Variants in ITPR2 observed in about 807,000 individuals in gnomAD.
ITPR2 encodes the protein inositol 1,4,5-trisphosphate-gated calcium channel ITPR2.
In ITPR2, 207 loss-of-function variants were observed where a neutral mutation model predicts 317.1. The ratio of observed to expected loss-of-function variants is 0.65; its 90% confidence interval spans 0.58 to 0.73. The LOEUF is 0.73. Among genes scored for constraint, ITPR2 ranks in the 30% least tolerant of loss-of-function variants. The pLI, the probability that ITPR2 is intolerant of heterozygous loss-of-function variation, is 0.00. For missense variants in ITPR2, 2,613 were observed against 3,284.0 expected (o/e 0.80, Z 4.99); for synonymous variants, 1,156 against 1,149.1 (o/e 1.01, Z -0.12).
intron 52 of ITPR2, among the ~76,000 whole-genome samples, chr12:26,401,363 G>A (rs1180088560): frequency 6.6e-6 from 1 of 152,116 alleles, no homozygotes; most frequent in East Asian, 1.9e-4. Context: ...CTTTCTCGAG[G>A]ACCAACCTGG....
chr12:26,589,853 T>TACACACAC lies in ITPR2; in HGVS notation c.4380+5604_4380+5611dup, dbSNP rs56044866. ...ATAAACATATATATATATATATATATACACACACACACACACACACACACA... is the reference window on the plus strand; with the variant it reads ...ATAAACATATATATATATATATATATACACACACACACACACACACACACACACACACA... On this transcript the variant is annotated intron_variant, in intron 32 of 56. Coordinates refer to ENST00000381340, the MANE Select transcript of ITPR2 (RefSeq NM_002223.4). 6.1e-3 allele frequency among the ~76,000 whole-genome samples: 352 copies of TACACACAC among 57,296 alleles called. 13 individuals are homozygous for TACACACAC. Among genetic ancestry groups the TACACACAC allele is most frequent in the African/African-American group, 0.018 (323 of 17,664 alleles). 37.6% of individuals were successfully genotyped at this position (57,296 alleles called of 152,430 possible).
intron 55 of ITPR2, among the ~76,000 whole-genome samples, chr12:26,351,943 G>A (rs2136560765): frequency 6.6e-6 from 1 of 152,288 alleles, no homozygotes; most frequent in East Asian, 1.9e-4. Context: ...CGCTGAGATA[G>A]ACAAAAACTA....
At position 26,356,588 on chromosome 12, in the gene ITPR2, T is replaced by G. The variant is rs138199766; in HGVS notation, c.7858-16260A>C. Among the ~76,000 whole-genome samples the G allele has an allele frequency of 1.5e-4, 23 of 152,226 alleles. No individual in the cohort carries two copies. In the East Asian group the frequency reaches 4.2e-3, roughly 28 times the overall value. On this transcript the variant is annotated intron_variant, in intron 55 of 56. Transcript: ENST00000381340. ...ATAGATCAGTTTTACACAAATGGAG[T>G]GTGGAAACAACTGTTGATCATGCAG...
At chr12:26,828,648 C>G (rs1267078686) in intron 1 of ITPR2, among the ~76,000 whole-genome samples, 1 of 152,136 alleles carries the variant, frequency 6.6e-6, no homozygotes, top group African/African-American at 2.4e-5. Context: ...TTCTCAATAG[C>G]TGAAACTTTT....
intron 36 of ITPR2, among the ~76,000 whole-genome samples, chr12:26,553,904 G>A (rs1019310383): frequency 2.0e-5 from 3 of 152,160 alleles, no homozygotes; most frequent in Non-Finnish European, 2.9e-5. Context: ...TGAGCAGTAA[G>A]GCAGAAAACA....
rs1402594965 is a variant in ITPR2, at chr12:26,483,846, G to T, written c.5864C>A (p.Thr1955Asn). 3 of 1,614,156 alleles carry T rather than the reference G, an allele frequency of 1.9e-6. No individual in the cohort carries two copies. Among genetic ancestry groups the T allele is most frequent in the Non-Finnish European group, 2.5e-6 (3 of 1,180,006 alleles). The change falls in exon 42 of 57, where the codon ACC becomes AAC. Residue 1955 changes from threonine (T) to asparagine (N), a missense_variant. This residue lies in a region of ITPR2 where 926 missense variants were observed against 1,072.8 expected (regional missense o/e 0.86). Coordinates refer to ENST00000381340, the MANE Select transcript of ITPR2 (RefSeq NM_002223.4). The part of the protein sequence containing the change: ...NKTNYNLVCE[T>N]LQFLDCICGS... ...ACAAATGCAGTCCAGAAACTGAAGG[G>T]TCTCACAGACTAGGTTGTAATTTGT...
chr12:26,770,987 T>G (rs1949829515), intron 2 of ITPR2, among the ~76,000 whole-genome samples: 1 of 152,178 alleles, frequency 6.6e-6, no homozygotes, highest in African/African-American at 2.4e-5. Context: ...AAAAGTCCAT[T>G]TTCTGACTGT....
intron 13 of ITPR2, among the ~76,000 whole-genome samples, chr12:26,667,810 T>G (rs1375073504): frequency 6.6e-6 from 1 of 152,196 alleles, no homozygotes; most frequent in Admixed American, 6.5e-5. Context: ...AAAGTAAAAT[T>G]TTGTGAGCAA....
At chr12:26,397,201 T>C (rs1039883919) in intron 54 of ITPR2, among the ~76,000 whole-genome samples, 2 of 152,156 alleles carry the variant, frequency 1.3e-5, no homozygotes, top group African/African-American at 2.4e-5. Flanking sequence ...TAAAAGGCCA[T>C]GCGTGGTCTG....
intron 45 of ITPR2, among the ~76,000 whole-genome samples, chr12:26,456,264 T>C (rs931777765): frequency 1.3e-5 from 2 of 152,222 alleles, no homozygotes; most frequent in Non-Finnish European, 2.9e-5. Context: ...GCAATGAAAG[T>C]GACCTCTGGT....
chr12:26,705,856 T>C (rs1171580585), intron 9 of ITPR2, among the ~76,000 whole-genome samples: 1 of 152,200 alleles, frequency 6.6e-6, no homozygotes, highest in African/African-American at 2.4e-5. Flanking sequence ...TCAAAATTAC[T>C]AAAGCAAAAA....
intron 37 of ITPR2, among the ~76,000 whole-genome samples, chr12:26,543,217 C>T (rs1944308104): frequency 1.3e-5 from 2 of 152,142 alleles, no homozygotes; most frequent in African/African-American, 2.4e-5. Flanking sequence ...ATCCAATCCA[C>T]GTAAGCTCTT....
chr12:26,452,948 G>T (rs777350556), intron 45 of ITPR2, among the ~76,000 whole-genome samples: 35 of 152,004 alleles, frequency 2.3e-4, no homozygotes, highest in Non-Finnish European at 4.7e-4. Context: ...TTTAATCCCA[G>T]GAGGTTTGTA....
chr12:26,707,851 G>T (rs1451441284), intron 9 of ITPR2, among the ~76,000 whole-genome samples: 6 of 151,338 alleles, frequency 4.0e-5, no homozygotes, highest in African/African-American at 7.3e-5. Context: ...TTTTTGACAA[G>T]AGATTAATAA....
chr12:26,635,182 C>A (rs987353742), intron 21 of ITPR2, among the ~76,000 whole-genome samples: 4 of 152,150 alleles, frequency 2.6e-5, no homozygotes, highest in Non-Finnish European at 5.9e-5. Context: ...CTGTGCTGAC[C>A]ATAATTTAAT....
chr12:26,605,126 A>ATACAT (rs373595249), intron 26 of ITPR2, among the ~76,000 whole-genome samples: 1 of 136,310 alleles, frequency 7.3e-6, no homozygotes, highest in African/African-American at 2.6e-5. Flanking sequence ...AAAAAATAAA[A>ATACAT]ATATATATAT....
Position 26,507,863 on chromosome 12 carries a change from C to CTGTGTGTGTGTG in ITPR2, c.5074-12615_5074-12604dup, listed in dbSNP as rs1555144092. On this transcript the variant is annotated intron_variant, in intron 37 of 56. Coordinates refer to ENST00000381340, the MANE Select transcript of ITPR2 (RefSeq NM_002223.4). ...TCTCTCTACTCTTCTCTCTCTGTCT[C>CTGTGTGTGTGTG]TGTGTGTGTGTGTGTGTGTGTGTGT... Among the ~76,000 whole-genome samples, 118 of 132,280 alleles carry CTGTGTGTGTGTG rather than the reference C, an allele frequency of 8.9e-4. 1 individual carries two copies. The highest frequency in any genetic ancestry group is 3.1e-3 in the African/African-American group (112 of 36,222). The allele number at this position is 132,280 out of a possible 152,430, so 86.8% of individuals were successfully genotyped here. A position where few individuals can be genotyped will look rare whatever the true frequency, so the allele number is the denominator to read the frequency against.
In ITPR2 at chr12:26,511,187, T is replaced by C. The variant is rs75944886; in HGVS notation, c.5074-15927A>G. Among the ~76,000 whole-genome samples the C allele has an allele frequency of 3.3e-5, 5 of 152,324 alleles. No individual in the cohort carries two copies. In the East Asian group the frequency reaches 7.7e-4, roughly 24 times the overall value. On this transcript the variant is annotated intron_variant, in intron 37 of 56. Transcript: ENST00000381340. ...TAAAAGTAAAAGAGTGCTCCACAAGTATCATCCCATCAGTGGAACAGGAGC... is the reference window on the plus strand; with the variant it reads ...TAAAAGTAAAAGAGTGCTCCACAAGCATCATCCCATCAGTGGAACAGGAGC...
chr12:26,428,669 T>C (rs1941129515), intron 48 of ITPR2, among the ~76,000 whole-genome samples: 1 of 152,242 alleles, frequency 6.6e-6, no homozygotes, highest in Admixed American at 6.5e-5. Context: ...AATTTTTAGC[T>C]ATTTACTCAT....
Sources: gnomAD v4.1 joint callset for allele counts (sites outside exome capture counted in the v4.1 genomes callset) on GRCh38, gnomAD v4.1.1 for gene constraint, gnomAD v4.1.1 regional missense constraint, MANE v1.5 for transcripts, NCBI Gene and HGNC (gene_info 2026-07-23, HGNC 2026-07-21) for gene names.